The following KIF20A variants were observed in gnomAD, a reference collection of about 807,000 sequenced individuals.
The protein encoded by KIF20A is kinesin-like protein KIF20A.
A neutral mutation model predicts 113.0 loss-of-function variants in KIF20A; 66 were observed. The ratio of observed to expected loss-of-function variants is 0.58; its 90% confidence interval spans 0.48 to 0.72. KIF20A has a LOEUF of 0.72. KIF20A is among the 30% of genes least tolerant of loss of function. KIF20A has a pLI of 0.00. For synonymous variants in KIF20A, 376 were observed against 402.3 expected (o/e 0.93, Z 0.78); for missense variants, 927 against 1,077.6 (o/e 0.86, Z 1.96).
At position 138,183,387 on chromosome 5, in the gene KIF20A, G is replaced by A. The variant is rs1368555278; in HGVS notation, c.1027+24G>A. 1.2e-5 allele frequency: 20 copies of A among 1,613,706 alleles called. No homozygotes were observed. The highest frequency in any genetic ancestry group is 1.6e-5 in the Non-Finnish European group (19 of 1,179,652). The stretch of plus-strand genomic sequence containing the variant: ...AGGTAAAGGAACATGGGGAAAGCTG[G>A]CATGAACCCTGGAGGGCAACTGGGG... On this transcript the variant is annotated intron_variant, in intron 8 of 18. Coordinates refer to ENST00000394894, the MANE Select transcript of KIF20A (RefSeq NM_005733.3). The surrounding 1 kb of genome is among the most constrained non-coding windows in gnomAD (Gnocchi z 5.2).
chr5:138,183,130 G>C lies in KIF20A; in HGVS notation c.833-39G>C. ...CTGCAGGCCAAAAGAGAGGTGAACT[G>C]CTCTAGGTTGATGCCCTATACATTG... On this transcript the variant is annotated intron_variant, in intron 7 of 18. Transcript: ENST00000394894. The surrounding 1 kb of genome is among the most constrained non-coding windows in gnomAD (Gnocchi z 5.2). The C allele has an allele frequency of 6.2e-7, 1 of 1,609,212 alleles. No individual in the cohort carries two copies. Among genetic ancestry groups the C allele is most frequent in the Non-Finnish European group, 8.5e-7 (1 of 1,177,212 alleles).
Position 138,183,985 on chromosome 5 carries a change from G to A in KIF20A, c.1232G>A (p.Gly411Asp). The A allele has an allele frequency of 6.2e-7, 1 of 1,614,168 alleles. No individual in the cohort carries two copies. Among genetic ancestry groups the A allele is most frequent in the Non-Finnish European group, 8.5e-7 (1 of 1,180,034 alleles). The change falls in exon 11 of 19, where the codon GGC becomes GAC. Residue 411 changes from glycine (G) to aspartate (D), a missense_variant. Coordinates refer to ENST00000394894, the MANE Select transcript of KIF20A (RefSeq NM_005733.3). The surrounding 1 kb of genome is among the most constrained non-coding windows in gnomAD (Gnocchi z 5.2). ...AGGCTGTCACTCTGTGATCTGGCTG[G>A]CTCAGAGCGCTGCAAAGATCAGAAG... The part of the protein sequence containing the change: ...ISELSLCDLA[G>D]SERCKDQKSG...
intron 1 of KIF20A, chr5:138,179,430 C>A (rs1754596084): frequency 4.2e-6 from 2 of 473,288 alleles, no homozygotes; most frequent in African/African-American, 2.0e-5. Context: ...GCTTTTGGAG[C>A]CAGATGTCTG....
At position 138,183,642 on chromosome 5, in the gene KIF20A, G is replaced by A; in HGVS notation, c.1140-46G>A. On this transcript the variant is annotated intron_variant, in intron 9 of 18. Transcript: ENST00000394894. This position sits in a 1 kb window ranked among gnomAD's most constrained non-coding sequence, Gnocchi z 5.2. ...TCCAGGAAACATTAGTCCTCTGCCT[G>A]GTCATGGAAAATGTGCAATGACTTT... 1 of 1,607,690 alleles carries A rather than the reference G, an allele frequency of 6.2e-7. No individual in the cohort carries two copies. The highest frequency in any genetic ancestry group is 8.5e-7 in the Non-Finnish European group (1 of 1,174,420).
At chr5:138,187,054 C>A (rs764330405) in intron 18 of KIF20A, 42 bp from the exon 19 acceptor site, 2 of 1,491,280 alleles carry the variant, frequency 1.3e-6, no homozygotes, top group East Asian at 4.5e-5. Flanking sequence ...CTCTAATATA[C>A]CAGACAAAAG....
In KIF20A at chr5:138,183,266, C is replaced by G; in HGVS notation, c.930C>G (p.Asn310Lys). The change falls in exon 8 of 19, where the codon AAC (asparagine) becomes AAG (lysine). Residue 310 changes from asparagine to lysine, a missense_variant. Coordinates refer to ENST00000394894, the MANE Select transcript of KIF20A (RefSeq NM_005733.3). The surrounding 1 kb of genome is among the most constrained non-coding windows in gnomAD (Gnocchi z 5.2). Reference sequence around the variant, plus strand: ...GGATCTCATTCTTTGAGATCTACAACGAACTGCTTTATGACCTATTAGAAC... The same window carrying G: ...GGATCTCATTCTTTGAGATCTACAAGGAACTGCTTTATGACCTATTAGAAC... ...SIWISFFEIY[N>K]ELLYDLLEPP... The G allele has an allele frequency of 6.2e-7, 1 of 1,614,226 alleles. No homozygotes were observed.
rs375608787 is a variant in KIF20A, at chr5:138,184,190, A to G, written c.1353-49A>G. On this transcript the variant is annotated intron_variant, in intron 11 of 18. Transcript: ENST00000394894. ...ACTGGGGATGGTGCTAGGATACCCA[A>G]AGGGCTGGTGTTCTGCTCACAGCTC... 209 of 1,610,648 alleles carry G rather than the reference A, an allele frequency of 1.3e-4. No individual in the cohort carries two copies. In the African/African-American group the frequency reaches 2.3e-3, roughly 18 times the overall value.
rs1447573741 is a variant in KIF20A, at chr5:138,187,132, C to T, written c.2392C>T (p.Leu798=). The change falls in exon 19 of 19, where the codon CTA becomes TTA. Residue 798 remains leucine (L), a synonymous_variant. Transcript: ENST00000394894. ...TLAELQNNMV[L]VKLDLRKKAA... is the part of the protein sequence containing the mutation. Reference sequence around the variant, plus strand: ...GGCTGAACTGCAGAACAACATGGTGCTAGTGAAACTGGACCTTCGGAAGAA... The same window carrying T: ...GGCTGAACTGCAGAACAACATGGTGTTAGTGAAACTGGACCTTCGGAAGAA... The T allele has an allele frequency of 6.2e-7, 1 of 1,612,930 alleles. No individual in the cohort carries two copies. Among genetic ancestry groups the T allele is most frequent in the South Asian group, 1.1e-5 (1 of 91,066 alleles).
At position 138,184,251 on chromosome 5, in the gene KIF20A, C is replaced by T. The variant is rs1484330779; in HGVS notation, c.1365C>T (p.Asn455=). ...GATTCTCTGCCAGGTCAAAGCAGAA[C>T]CTGGTTCCCTTCCGTGACAGCAAGT... is the stretch of plus-strand genomic sequence containing the variant. ...RQNQQNRSKQ[N]LVPFRDSKLT... is the part of the protein sequence containing the mutation. Residue 455 remains asparagine, a synonymous_variant, in exon 12 of 19, where the codon AAC becomes AAT. Coordinates refer to ENST00000394894, the MANE Select transcript of KIF20A (RefSeq NM_005733.3). The T allele has an allele frequency of 1.9e-6, 3 of 1,614,118 alleles. No homozygotes were observed. Among genetic ancestry groups the T allele is most frequent in the East Asian group, 2.2e-5 (1 of 44,878 alleles).
chr5:138,187,495 T>G lies in KIF20A; in HGVS notation c.*82T>G. On this transcript the variant is annotated 3_prime_UTR_variant, in exon 19 of 19. Coordinates refer to ENST00000394894, the MANE Select transcript of KIF20A (RefSeq NM_005733.3). ...GAAGAAATAGGTCTCTTTTATGCTT[T>G]ACCATATATCAGGAATTATATCCAG... 2 of 1,130,102 alleles carry G rather than the reference T, an allele frequency of 1.8e-6. No individual in the cohort carries two copies. The highest frequency in any genetic ancestry group is 1.6e-5 in the South Asian group (1 of 61,878). 70.0% of individuals were successfully genotyped at this position (1,130,102 alleles called of 1,614,324 possible).
chr5:138,181,718 C>T lies in KIF20A; in HGVS notation c.365C>T (p.Thr122Ile), dbSNP rs749209213. 1 of 1,613,880 alleles carries T rather than the reference C, an allele frequency of 6.2e-7. No individual in the cohort carries two copies. The highest frequency in any genetic ancestry group is 1.1e-5 in the South Asian group (1 of 91,072). The change falls in exon 4 of 19, where the codon ACC becomes ATC. Residue 122 changes from threonine to isoleucine, a missense_variant. Physicochemically the swap from Thr to Ile is moderately conservative, Grantham distance 89 (BLOSUM62 -1). Transcript: ENST00000394894. ...ATTGGCCAAGCCACACACAGGTTCA[C>T]CTTTTCCCAGGTATGGAGGGTACTG... ...RGIGQATHRF[T>I]FSQIFGPEVG...
chr5:138,183,688 T>A lies in KIF20A; in HGVS notation c.1140T>A (p.Ser380Arg). 1 of 1,613,710 alleles carries A rather than the reference T, an allele frequency of 6.2e-7. No homozygotes were observed. Among genetic ancestry groups the A allele is most frequent in the South Asian group, 1.1e-5 (1 of 91,070 alleles). ...ACTTTTTGTTTTTCTTAACTTCCAG[T>A]CACAGCATCTTCTCAATCAGGATCC... ...STHLNQNSSRSHSIFSIRILH... is the reference protein window; with the variant it reads ...STHLNQNSSRRHSIFSIRILH... Residue 380 changes from serine (S) to arginine (R), a missense_variant and splice_region_variant, in exon 10 of 19, where the codon AGT becomes AGA. Coordinates refer to ENST00000394894, the MANE Select transcript of KIF20A (RefSeq NM_005733.3). The surrounding 1 kb of genome is among the most constrained non-coding windows in gnomAD (Gnocchi z 5.2).
Position 138,182,886 on chromosome 5 carries a change from G to A in KIF20A, c.728G>A (p.Arg243Lys). 6.2e-7 allele frequency: 1 copy of A among 1,614,242 alleles called. No individual in the cohort carries two copies. The highest frequency in any genetic ancestry group is 8.5e-7 in the Non-Finnish European group (1 of 1,180,032). Residue 243 changes from arginine to lysine, a missense_variant, in exon 7 of 19, where the codon AGG becomes AAG. Transcript: ENST00000394894. ...GAGGAGCTGTCCACTTCCTTGAAGAGGAGTGTCTACATCGAAAGTCGGATA... is the reference window on the plus strand; with the variant it reads ...GAGGAGCTGTCCACTTCCTTGAAGAAGAGTGTCTACATCGAAAGTCGGATA... ...QEEELSTSLK[R>K]SVYIESRIGT...
chr5:138,185,398 C>G (rs1754727961), intron 15 of KIF20A, 114 bp from the exon 16 acceptor site: 1 of 1,029,762 alleles, frequency 9.7e-7, no homozygotes, highest in Admixed American at 2.1e-5. Flanking sequence ...GTATTAAGTG[C>G]TAACAACAGG....
In KIF20A at chr5:138,184,855, C is replaced by G; in HGVS notation, c.1732C>G (p.Arg578Gly). 1 of 1,614,080 alleles carries G rather than the reference C, an allele frequency of 6.2e-7. No homozygotes were observed. Among genetic ancestry groups the G allele is most frequent in the East Asian group, 2.2e-5 (1 of 44,884 alleles). The change falls in exon 14 of 19, where the codon CGA (arginine) becomes GGA (glycine). Residue 578 changes from arginine to glycine, a missense_variant. Transcript: ENST00000394894. ...EAMKTLLLKE[R>G]QEKLQLEMHL... The stretch of plus-strand genomic sequence containing the variant: ...CATGAAGACACTGCTTTTGAAGGAA[C>G]GACAGGAAAAGCTACAGCTGGAGAT...
chr5:138,184,567 A>G lies in KIF20A; in HGVS notation c.1574A>G (p.Lys525Arg). The part of the protein sequence containing the change: ...LGFPSLHSFI[K>R]EHSLQVSPSL... ...TTCCCATCCCTGCACTCGTTCATCA[A>G]GGAACATAGTCTTCAGGTATCCCCC... Residue 525 changes from lysine (K) to arginine (R), a missense_variant, in exon 13 of 19, where the codon AAG becomes AGG. Coordinates refer to ENST00000394894, the MANE Select transcript of KIF20A (RefSeq NM_005733.3). The G allele has an allele frequency of 1.2e-6, 2 of 1,614,182 alleles. No homozygotes were observed. The highest frequency in any genetic ancestry group is 2.2e-5 in the East Asian group (1 of 44,894).
At chr5:138,179,987 G>A (rs888320978) in intron 2 of KIF20A, 142 bp downstream of exon 2, 23 of 826,174 alleles carry the variant, frequency 2.8e-5, no homozygotes, top group Non-Finnish European at 3.9e-5. Flanking sequence ...GGACAAAATG[G>A]CTATGAAAAG....
In KIF20A at chr5:138,183,492, A is replaced by G. The variant is rs372178864; in HGVS notation, c.1050A>G (p.Gln350=). 1.2e-6 allele frequency: 2 copies of G among 1,614,152 alleles called. No homozygotes were observed. The part of the protein sequence containing the change: ...YVKDLNWIHV[Q]DAEEAWKLLK... ...CAGATCTCAACTGGATTCATGTGCA[A>G]GATGCTGAGGAGGCCTGGAAGCTCC... Residue 350 remains glutamine (Q), a synonymous_variant, in exon 9 of 19, where the codon CAA becomes CAG. Transcript: ENST00000394894. This position sits in a 1 kb window ranked among gnomAD's most constrained non-coding sequence, Gnocchi z 5.2.
At chr5:138,186,462 C>T in intron 18 of KIF20A, 31 bp downstream of exon 18, 2 of 1,597,982 alleles carry the variant, frequency 1.3e-6, no homozygotes, top group Non-Finnish European at 1.7e-6. Flanking sequence ...CACTTCTGTC[C>T]TACCAGCCCA....
Sources: gnomAD v4.1 joint callset for allele counts on GRCh38, gnomAD v4.1.1 for gene constraint, Gnocchi (gnomAD v3.1) non-coding constraint, MANE v1.5 for transcripts, NCBI Gene and HGNC (gene_info 2026-07-23, HGNC 2026-07-21) for gene names.